CMTM7: variants seen among roughly 807,000 people sequenced by gnomAD.
CMTM7 encodes CKLF-like MARVEL transmembrane domain-containing protein 7.
A neutral mutation model predicts 19.3 loss-of-function variants in CMTM7; 7 were observed. The observed-to-expected ratio is 0.36, with a 90% CI of 0.21 to 0.68. The LOEUF (loss-of-function observed/expected upper bound fraction) is 0.68. Ranked by LOEUF, CMTM7 falls within the 30% of genes least tolerant of loss-of-function variation. The probability of loss-of-function intolerance (pLI) is 0.60; values close to 1 mark genes in which losing one functional copy is unlikely to be tolerated. For synonymous variants in CMTM7, 87 were observed against 99.3 expected, an observed-to-expected ratio of 0.88 and a Z score of 0.74; for missense variants, 193 against 232.6, an observed-to-expected ratio of 0.83 and a Z score of 1.11.
chr3:32,451,824 C>T (rs1218078249), intron 3 of CMTM7: 2 of 335,534 alleles, frequency 6.0e-6, no homozygotes, highest in African/African-American at 2.2e-5. Context: ...GCTGGATGAC[C>T]CTGAGAAAGG....
Position 32,393,318 on chromosome 3 carries a change from G to C in CMTM7, c.159+1253G>C, listed in dbSNP as rs117840829. On this transcript the variant is annotated intron_variant, in intron 1 of 4. Transcript: ENST00000334983. The stretch of plus-strand genomic sequence containing the variant: ...ATTTCAGCAACGTACAAAAAAATCT[G>C]GTGCTGAGCATTGTTGGGTTTGAGC... Among the ~76,000 whole-genome samples, 375 of 152,292 alleles carry C rather than the reference G, an allele frequency of 2.5e-3. 4 individuals are homozygous for C. The highest frequency in any genetic ancestry group is 0.021 in the East Asian group (107 of 5,176).
At chr3:32,427,348 C>T (rs1467529607) in intron 1 of CMTM7, among the ~76,000 whole-genome samples, 2 of 152,114 alleles carry the variant, frequency 1.3e-5, no homozygotes, top group African/African-American at 2.4e-5. Flanking sequence ...AAACCCAAAC[C>T]CTGCCTGGAT....
intron 1 of CMTM7, among the ~76,000 whole-genome samples, chr3:32,401,272 G>A (rs1695998049): frequency 6.6e-6 from 1 of 152,232 alleles, no homozygotes; most frequent in Non-Finnish European, 1.5e-5. Flanking sequence ...TAAGGCTTTT[G>A]TAATCACCGG....
At chr3:32,416,360 AATT>A (rs1304135464) in intron 1 of CMTM7, among the ~76,000 whole-genome samples, 1 of 70,968 alleles carries the variant, frequency 1.4e-5, no homozygotes, top group Admixed American at 1.8e-4. Flanking sequence ...CATCCGGGCT[AATT>A]TTTTTTTTTT....
At chr3:32,441,802 G>A in intron 1 of CMTM7, 38 bp from the exon 2 acceptor site, 2 of 1,599,236 alleles carry the variant, frequency 1.3e-6, no homozygotes, top group Non-Finnish European at 1.7e-6. Context: ...TGCCCGTCTT[G>A]GGCAAGCATT....
intron 1 of CMTM7, among the ~76,000 whole-genome samples, chr3:32,408,196 A>G (rs1696117196): frequency 6.6e-6 from 1 of 152,192 alleles, no homozygotes; most frequent in Non-Finnish European, 1.5e-5. Flanking sequence ...CAGCCCAATG[A>G]TAGCGATTTC....
At chr3:32,435,241 C>G (rs1575121686) in intron 1 of CMTM7, among the ~76,000 whole-genome samples, 1 of 152,060 alleles carries the variant, frequency 6.6e-6, no homozygotes, top group East Asian at 1.9e-4. Context: ...ATCTCTACTA[C>G]AAATACAAAA....
At chr3:32,442,424 C>T (rs1207796748) in intron 2 of CMTM7, among the ~76,000 whole-genome samples, 1 of 144,522 alleles carries the variant, frequency 6.9e-6, no homozygotes, top group African/African-American at 2.6e-5. Flanking sequence ...GGCGTGAACC[C>T]GGGAGGCGGA....
At chr3:32,395,474 A>C (rs1695901994) in intron 1 of CMTM7, among the ~76,000 whole-genome samples, 1 of 152,234 alleles carries the variant, frequency 6.6e-6, no homozygotes, top group African/African-American at 2.4e-5. Context: ...CTAAAGTCAC[A>C]CAGCTCTTAG....
intron 1 of CMTM7, among the ~76,000 whole-genome samples, chr3:32,398,754 C>T (rs1167331834): frequency 1.3e-5 from 2 of 151,806 alleles, no homozygotes; most frequent in South Asian, 2.1e-4. Flanking sequence ...GAGGCCGAGG[C>T]GGGCGGATGG....
intron 1 of CMTM7, among the ~76,000 whole-genome samples, chr3:32,397,288 T>G (rs1353297071): frequency 7.2e-5 from 11 of 152,224 alleles, no homozygotes. Flanking sequence ...CTATTAATAT[T>G]GTTACTTTCC....
At chr3:32,444,083 TTTC>T (rs1696718965) in intron 2 of CMTM7, among the ~76,000 whole-genome samples, 1 of 152,222 alleles carries the variant, frequency 6.6e-6, no homozygotes, top group South Asian at 2.1e-4. Flanking sequence ...ATTTATTTTT[TTTC>T]TTTTTTAGCT....
chr3:32,449,489 C>T lies in CMTM7; in HGVS notation c.369C>T (p.Leu123=). The change falls in exon 3 of 5, where the codon CTC becomes CTT. Residue 123 remains leucine (L), a synonymous_variant. Coordinates refer to ENST00000334983, the MANE Select transcript of CMTM7 (RefSeq NM_138410.4). This position sits in a 1 kb window ranked among gnomAD's most constrained non-coding sequence, Gnocchi z 4.5. The part of the protein sequence containing the change: ...LLHYLIGTLL[L]LIASIVAASK... The stretch of plus-strand genomic sequence containing the variant: ...ACTATTTAATCGGTACCCTGCTCCT[C>T]CTCATCGCCTCCATTGTGGCAGCTT... 1 of 1,614,182 alleles carries T rather than the reference C, an allele frequency of 6.2e-7. No homozygotes were observed. The highest frequency in any genetic ancestry group is 1.1e-5 in the South Asian group (1 of 91,084).
At chr3:32,452,905 C>T (rs939537991) in intron 4 of CMTM7, among the ~76,000 whole-genome samples, 1 of 147,056 alleles carries the variant, frequency 6.8e-6, no homozygotes, top group Non-Finnish European at 1.5e-5. Flanking sequence ...TGTGCACCAC[C>T]ATGCCTAATT....
chr3:32,400,149 A>G (rs1695979016), intron 1 of CMTM7, among the ~76,000 whole-genome samples: 1 of 151,922 alleles, frequency 6.6e-6, no homozygotes, highest in Admixed American at 6.6e-5. Context: ...CCTCCCAAGT[A>G]GCTGGGATTA....
chr3:32,392,070 G>A lies in CMTM7; in HGVS notation c.159+5G>A. 8.1e-7 allele frequency: 1 copy of A among 1,233,480 alleles called. No homozygotes were observed. Among genetic ancestry groups the A allele is most frequent in the Non-Finnish European group, 1.0e-6 (1 of 986,622 alleles). 76.4% of individuals were successfully genotyped at this position (1,233,480 alleles called of 1,614,324 possible). Reference sequence around the variant, plus strand: ...CTGCTGAAAGTGGCGCAAATGGTAAGTGAGCGCGGGGCGCGAGGCCGAGGT... The same window carrying A: ...CTGCTGAAAGTGGCGCAAATGGTAAATGAGCGCGGGGCGCGAGGCCGAGGT... On this transcript the variant is annotated splice_donor_5th_base_variant and intron_variant, in intron 1 of 4. Transcript: ENST00000334983.
At chr3:32,450,918 A>G (rs1230710670) in intron 3 of CMTM7, 1 of 152,250 alleles carries the variant, frequency 6.6e-6, no homozygotes, top group Non-Finnish European at 1.5e-5. Context: ...TTTTTAAAAT[A>G]TGGTCCCTGC....
At position 32,427,516 on chromosome 3, in the gene CMTM7, G is replaced by A. The variant is rs550410837; in HGVS notation, c.160-14324G>A. 3.9e-5 allele frequency among the ~76,000 whole-genome samples: 6 copies of A among 152,252 alleles called. No individual in the cohort carries two copies. In the South Asian group the frequency reaches 1.2e-3, roughly 32 times the overall value. On this transcript the variant is annotated intron_variant, in intron 1 of 4. Coordinates refer to ENST00000334983, the MANE Select transcript of CMTM7 (RefSeq NM_138410.4). The stretch of plus-strand genomic sequence containing the variant: ...CAGTCTGGGACTGTATAATACCATA[G>A]CCACTAGCTACATGAGGGCTATATA...
At chr3:32,426,100 G>A (rs1413192821) in intron 1 of CMTM7, among the ~76,000 whole-genome samples, 1 of 152,128 alleles carries the variant, frequency 6.6e-6, no homozygotes, top group Non-Finnish European at 1.5e-5. Flanking sequence ...AGCCAAGATC[G>A]CACCATTGCA....
Sources: allele counts gnomAD v4.1 joint callset (sites outside exome capture counted in the v4.1 genomes callset), GRCh38; gene constraint gnomAD v4.1.1; non-coding constraint Gnocchi (gnomAD v3.1); transcripts MANE v1.5; gene names NCBI Gene and HGNC (gene_info 2026-07-23, HGNC 2026-07-21).